The following CLNK variants were observed in gnomAD, a reference collection of about 807,000 sequenced individuals.
The protein encoded by CLNK is cytokine-dependent hematopoietic cell linker.
CLNK carries 74 observed loss-of-function variants against 68.6 expected under a neutral mutation model. The observed-to-expected ratio is 1.08, with a 90% confidence interval of 0.89 to 1.31. CLNK has a LOEUF of 1.31. Ranked by LOEUF, CLNK falls within the 50% of genes most tolerant of loss-of-function variation. CLNK has a pLI of 0.00. For missense variants in CLNK, 553 were observed against 515.3 expected, an observed-to-expected ratio of 1.07 and a Z score of -0.71; for synonymous variants, 198 against 172.2, an observed-to-expected ratio of 1.15 and a Z score of -1.17.
At chr4:10,514,094 T>C (rs1432657191) in intron 15 of CLNK, among the ~76,000 whole-genome samples, 15 of 139,234 alleles carry the variant, frequency 1.1e-4, no homozygotes, top group Non-Finnish European at 2.3e-4. Flanking sequence ...CACCTATGAG[T>C]GAGAATATGC....
chr4:10,626,094 C>T (rs930261293), intron 2 of CLNK, among the ~76,000 whole-genome samples: 1 of 152,218 alleles, frequency 6.6e-6, no homozygotes, highest in African/African-American at 2.4e-5. Context: ...TGGCTTCAAA[C>T]CCAGGTCTCC....
Position 10,489,216 on chromosome 4 carries a change from G to A in CLNK, c.*1251C>T, listed in dbSNP as rs1414236441. The A allele has an allele frequency of 6.6e-6, 1 of 152,040 alleles. No individual in the cohort carries two copies. Among genetic ancestry groups the A allele is most frequent in the Non-Finnish European group, 1.5e-5 (1 of 68,030 alleles). The allele number at this position is 152,040 out of a possible 1,614,324, so 9.4% of individuals were successfully genotyped here. On this transcript the variant is annotated 3_prime_UTR_variant, in exon 19 of 19. Coordinates refer to ENST00000226951, the MANE Select transcript of CLNK (RefSeq NM_052964.4). ...ATTGAGTAAGATCAATAGCTACTTC[G>A]AGCCTCTGTTTCCTCATCTTTATTG...
At chr4:10,551,910 T>G (rs976573276) in intron 8 of CLNK, among the ~76,000 whole-genome samples, 1 of 151,228 alleles carries the variant, frequency 6.6e-6, no homozygotes, top group African/African-American at 2.4e-5. Context: ...TGTAGGGGCA[T>G]GATGTCGTCT....
At chr4:10,650,910 T>C (rs1723705394) in intron 2 of CLNK, among the ~76,000 whole-genome samples, 1 of 152,078 alleles carries the variant, frequency 6.6e-6, no homozygotes, top group Non-Finnish European at 1.5e-5. Flanking sequence ...CAGACACTTC[T>C]CAAAAGAAGA....
intron 3 of CLNK, among the ~76,000 whole-genome samples, chr4:10,596,845 A>G (rs1409086646): frequency 6.6e-6 from 1 of 152,188 alleles, no homozygotes; most frequent in Admixed American, 6.5e-5. Flanking sequence ...GTAACTGTAA[A>G]TATTACTTTG....
chr4:10,674,979 G>A (rs1218193499), intron 1 of CLNK, among the ~76,000 whole-genome samples: 3 of 149,666 alleles, frequency 2.0e-5, no homozygotes, highest in African/African-American at 7.4e-5. Flanking sequence ...CTGTTGGGGG[G>A]TTTGGGGCAA....
At chr4:10,646,675 C>T (rs1351404651) in intron 2 of CLNK, among the ~76,000 whole-genome samples, 3 of 152,046 alleles carry the variant, frequency 2.0e-5, no homozygotes, top group Non-Finnish European at 4.4e-5. Flanking sequence ...GGGCTTTCTT[C>T]TCTCACCTGC....
Position 10,490,414 on chromosome 4 carries a change from GAAAACA to G in CLNK, c.*47_*52del, listed in dbSNP as rs1716517603. 2 of 1,567,852 alleles carry G rather than the reference GAAAACA, an allele frequency of 1.3e-6. No individual in the cohort carries two copies. Among genetic ancestry groups the G allele is most frequent in the Non-Finnish European group, 1.7e-6 (2 of 1,160,036 alleles). On this transcript the variant is annotated 3_prime_UTR_variant, in exon 19 of 19. Coordinates refer to ENST00000226951, the MANE Select transcript of CLNK (RefSeq NM_052964.4). Reference sequence around the variant, plus strand: ...CAGAAAATAAACTTTTGAAATCAATGAAAACAATGGAAGCGCTGAATCCAGTAAACC... The same window carrying G: ...CAGAAAATAAACTTTTGAAATCAATGATGGAAGCGCTGAATCCAGTAAACC...
intron 3 of CLNK, among the ~76,000 whole-genome samples, chr4:10,589,269 T>C (rs1358477127): frequency 1.3e-5 from 2 of 152,158 alleles, no homozygotes; most frequent in African/African-American, 4.8e-5. Context: ...GCAGAAGCAA[T>C]TGGCAGGGCT....
chr4:10,683,822 A>T (rs1725174655), intron 1 of CLNK, among the ~76,000 whole-genome samples: 1 of 152,214 alleles, frequency 6.6e-6, no homozygotes, highest in South Asian at 2.1e-4. Context: ...AAATCCAAAG[A>T]ACAACACTAT....
intron 8 of CLNK, among the ~76,000 whole-genome samples, chr4:10,551,994 C>T (rs143429335): frequency 4.0e-4 from 61 of 151,810 alleles, no homozygotes; most frequent in African/African-American, 1.3e-3. Flanking sequence ...ATTACAGGTG[C>T]GCGTCAGAAC....
chr4:10,603,052 T>G (rs2108848581), intron 2 of CLNK, among the ~76,000 whole-genome samples: 1 of 152,352 alleles, frequency 6.6e-6, no homozygotes, highest in Non-Finnish European at 1.5e-5. Context: ...TGCTCCCGGC[T>G]ACACCCAATG....
chr4:10,637,122 G>T (rs1044073115), intron 2 of CLNK, among the ~76,000 whole-genome samples: 15 of 152,146 alleles, frequency 9.9e-5, no homozygotes, highest in African/African-American at 3.4e-4. Flanking sequence ...TCATTTTCTG[G>T]GTTCTGTGAG....
At chr4:10,687,252 T>C (rs1225986160), upstream of CLNK, among the ~76,000 whole-genome samples, 3 of 147,492 alleles carry the variant, frequency 2.0e-5, no homozygotes, top group African/African-American at 5.0e-5. Context: ...TCGAATCTAA[T>C]ATAATAGAGA....
chr4:10,680,403 G>A (rs919344964), intron 1 of CLNK, among the ~76,000 whole-genome samples: 1 of 149,900 alleles, frequency 6.7e-6, no homozygotes, highest in Non-Finnish European at 1.5e-5. Flanking sequence ...GCATTAGGAG[G>A]TATACCTAAT....
At position 10,677,917 on chromosome 4, in the gene CLNK, G is replaced by A. The variant is rs80158927; in HGVS notation, c.-43+6751C>T. ...GGGCATTTTGTTTAATTTAGTTTCC[G>A]TTATACAGCAACAATCCAAATGACC... On this transcript the variant is annotated intron_variant, in intron 1 of 18. Coordinates refer to ENST00000226951, the MANE Select transcript of CLNK (RefSeq NM_052964.4). 3.4e-3 allele frequency among the ~76,000 whole-genome samples: 515 copies of A among 151,986 alleles called. 7 individuals are homozygous for A. In the East Asian group the frequency reaches 0.048, roughly 14 times the overall value.
the CLNK span, among the ~76,000 whole-genome samples, chr4:10,701,937 G>T: frequency 6.6e-6 from 1 of 152,212 alleles, no homozygotes; most frequent in Non-Finnish European, 1.5e-5. Flanking sequence ...TCCATGCAGA[G>T]ACAGCTGCCT....
chr4:10,502,047 G>A (rs947909192), intron 17 of CLNK, among the ~76,000 whole-genome samples: 1 of 152,356 alleles, frequency 6.6e-6, no homozygotes, highest in East Asian at 1.9e-4. Flanking sequence ...TGCTCCTGCA[G>A]CTTTCTGCCT....
chr4:10,666,633 A>G (rs1404004137), intron 2 of CLNK, among the ~76,000 whole-genome samples: 35 of 152,238 alleles, frequency 2.3e-4, no homozygotes, highest in Non-Finnish European at 1.5e-5. Flanking sequence ...AAGAGCTAGT[A>G]ATACCTGCCA....
Sources: allele counts gnomAD v4.1 joint callset (sites outside exome capture counted in the v4.1 genomes callset), GRCh38; gene constraint gnomAD v4.1.1; transcripts MANE v1.5; gene names NCBI Gene and HGNC (gene_info 2026-07-23, HGNC 2026-07-21).